Variants in BLTP1 observed in about 807,000 individuals in gnomAD.
BLTP1 encodes the protein fragile site-associated protein.
the BLTP1 span, among the ~76,000 whole-genome samples, chr4:122,205,659 CTCTA>C: frequency 6.7e-6 from 1 of 148,646 alleles, no homozygotes; most frequent in African/African-American, 2.5e-5. Context: ...CTCTCTCTCT[CTCTA>C]GTGTCAAAGT....
At chr4:122,179,200 TGA>T in the BLTP1 span, among the ~76,000 whole-genome samples, 1 of 152,152 alleles carries the variant, frequency 6.6e-6, no homozygotes, top group Non-Finnish European at 1.5e-5. Context: ...TGCCTCAGGC[TGA>T]GTTACAGTAA....
the BLTP1 span, chr4:122,169,762 A>G: frequency 8.1e-6 from 8 of 984,746 alleles, no homozygotes; most frequent in Non-Finnish European, 9.6e-6. Flanking sequence ...TCACAGTTCT[A>G]CAGTGAATTT....
At chr4:122,350,091 A>T in the BLTP1 span, 1 of 1,609,652 alleles carries the variant, frequency 6.2e-7, no homozygotes, top group South Asian at 1.1e-5. Flanking sequence ...ATTAGAAGTA[A>T]GCTTTTATAT....
chr4:122,242,930 A>G, the BLTP1 span: 2 of 921,208 alleles, frequency 2.2e-6, no homozygotes, highest in Non-Finnish European at 3.5e-6. Flanking sequence ...GTATTTACAT[A>G]TATCAGTTGA....
the BLTP1 span, chr4:122,219,255 C>T: frequency 2.6e-6 from 4 of 1,530,986 alleles, no homozygotes; most frequent in African/African-American, 4.2e-5. Flanking sequence ...TAAGGAAATG[C>T]ATAATTTACA....
chr4:122,155,947 CAG>C, the BLTP1 span: 1 of 911,068 alleles, frequency 1.1e-6, no homozygotes, highest in Non-Finnish European at 1.3e-6. Context: ...AAAATGAAGT[CAG>C]GGTAGTTTCT....
the BLTP1 span, among the ~76,000 whole-genome samples, chr4:122,337,616 A>T: frequency 6.6e-6 from 1 of 152,136 alleles, no homozygotes; most frequent in East Asian, 1.9e-4. Flanking sequence ...AAAATATTTA[A>T]GTTAAAACCC....
chr4:122,270,257 C>T, the BLTP1 span: 1 of 498,208 alleles, frequency 2.0e-6, no homozygotes, highest in Non-Finnish European at 2.6e-6. Flanking sequence ...TGCAAAATAT[C>T]AAAGCAGCTT....
the BLTP1 span, chr4:122,262,909 G>A: frequency 1.9e-6 from 3 of 1,614,090 alleles, no homozygotes; most frequent in South Asian, 1.1e-5. Context: ...AGCTTCCCAA[G>A]CCTGCACAAC....
At chr4:122,245,170 C>T in the BLTP1 span, 11 of 1,553,462 alleles carry the variant, frequency 7.1e-6, no homozygotes, top group African/African-American at 8.2e-5. Flanking sequence ...ATGGGCATAG[C>T]AAATTGAATA....
At chr4:122,348,753 C>A in the BLTP1 span, 1 of 1,412,902 alleles carries the variant, frequency 7.1e-7, no homozygotes, top group South Asian at 1.4e-5. Context: ...TGTATTTAAT[C>A]ATTTTTGTAA....
the BLTP1 span, chr4:122,184,780 C>A: frequency 1.0e-6 from 1 of 985,338 alleles, no homozygotes; most frequent in South Asian, 4.7e-5. Flanking sequence ...ACATGAGAAA[C>A]TGCAAAATGC....
chr4:122,344,733 A>G, the BLTP1 span: 1 of 1,268,844 alleles, frequency 7.9e-7, no homozygotes, highest in South Asian at 2.0e-5. Context: ...CAAGTAATAA[A>G]TGTTAGGAAT....
the BLTP1 span, chr4:122,237,348 G>C: frequency 1.2e-4 from 120 of 985,194 alleles, 2 homozygotes; most frequent in East Asian, 0.012. Context: ...GTGAAACAGT[G>C]GTGCTTCACT....
At chr4:122,154,236 T>C in the BLTP1 span, 1 of 832,302 alleles carries the variant, frequency 1.2e-6, no homozygotes, top group Admixed American at 1.0e-4. Flanking sequence ...AGTGCAGTGG[T>C]GCGATCTTGG....
chr4:122,179,999 A>G, the BLTP1 span: 2 of 983,228 alleles, frequency 2.0e-6, no homozygotes, highest in Non-Finnish European at 1.2e-6. Flanking sequence ...TTCCAAAGGC[A>G]TCCATCTCTC....
At chr4:122,359,339 A>T in the BLTP1 span, 1 of 970,702 alleles carries the variant, frequency 1.0e-6, no homozygotes, top group Non-Finnish European at 1.2e-6. Flanking sequence ...CAAGTCAATG[A>T]TCTCAGCATT....
At chr4:122,166,509 A>G in the BLTP1 span, among the ~76,000 whole-genome samples, 2 of 152,306 alleles carry the variant, frequency 1.3e-5, no homozygotes, top group Admixed American at 1.3e-4. Flanking sequence ...AGGTACCGTG[A>G]TGCCTCCAGC....
the BLTP1 span, among the ~76,000 whole-genome samples, chr4:122,296,088 A>C: frequency 6.6e-6 from 1 of 152,220 alleles, no homozygotes; most frequent in Non-Finnish European, 1.5e-5. Flanking sequence ...TGGCCAGGGC[A>C]GTCCGGCAAG....
Sources: gnomAD v4.1 joint callset for allele counts (sites outside exome capture counted in the v4.1 genomes callset) on GRCh38, gnomAD v4.1.1 for gene constraint, MANE v1.5 for transcripts, NCBI Gene and HGNC (gene_info 2026-07-23, HGNC 2026-07-21) for gene names.